Variants in RBFOX1 observed in about 807,000 individuals in gnomAD.
RBFOX1 encodes the protein RNA binding fox-1 homolog 1.
In RBFOX1, 8 loss-of-function variants were observed where a neutral mutation model predicts 57.7. The ratio of observed to expected loss-of-function variants is 0.14; its 90% confidence interval spans 0.08 to 0.25. RBFOX1 has a LOEUF of 0.25. Among genes scored for constraint, RBFOX1 ranks in the 10% least tolerant of loss-of-function variants. RBFOX1 has a pLI of 1.00. For synonymous variants in RBFOX1, 326 were observed against 222.4 expected, an observed-to-expected ratio of 1.47 and a Z score of -4.15; for missense variants, 611 against 548.5, an observed-to-expected ratio of 1.11 and a Z score of -1.14.
intron 2 of RBFOX1, among the ~76,000 whole-genome samples, chr16:6,345,261 A>G (rs809683): frequency 0.65 from 98,555 of 152,116 alleles, 34,173 homozygotes; most frequent in African/African-American, 0.91. Context: ...TTAAACAGTA[A>G]CTTTTATTGA....
At chr16:6,916,973 C>G (rs1225143263) in intron 3 of RBFOX1, among the ~76,000 whole-genome samples, 1 of 152,080 alleles carries the variant, frequency 6.6e-6, no homozygotes, top group Non-Finnish European at 1.5e-5. Context: ...CCTCAGCCTC[C>G]CAAGTAGGTA....
At chr16:5,847,346 C>T (rs187877350) in intron 3 of RBFOX1, among the ~76,000 whole-genome samples, 2 of 147,060 alleles carry the variant, frequency 1.4e-5, no homozygotes, top group South Asian at 2.1e-4. Context: ...GCCTCAGTTT[C>T]CTTATCTGAA....
At chr16:7,485,706 T>C in intron 4 of RBFOX1, among the ~76,000 whole-genome samples, 2 of 152,352 alleles carry the variant, frequency 1.3e-5, no homozygotes, top group Admixed American at 1.3e-4. Context: ...CACATCCATA[T>C]ATAATGTATA....
chr16:6,222,954 G>C (rs1249825605), intron 1 of RBFOX1, among the ~76,000 whole-genome samples: 1 of 151,418 alleles, frequency 6.6e-6, no homozygotes, highest in African/African-American at 2.4e-5. Flanking sequence ...TGCGGTGTTT[G>C]GTTTGTTGTC....
At chr16:7,204,207 C>G (rs1273454183) in intron 4 of RBFOX1, among the ~76,000 whole-genome samples, 1 of 152,184 alleles carries the variant, frequency 6.6e-6, no homozygotes, top group Non-Finnish European at 1.5e-5. Context: ...CTCAATGAAC[C>G]ATCTCATCCT....
chr16:5,424,920 T>TC (rs1436949774), intron 1 of RBFOX1, among the ~76,000 whole-genome samples: 2,778 of 113,154 alleles, frequency 0.025, 154 homozygotes, highest in African/African-American at 0.044. Flanking sequence ...TCTTTCTTTC[T>TC]TTCTTTCTTT....
chr16:6,894,476 AC>A (rs2066275860), intron 3 of RBFOX1, among the ~76,000 whole-genome samples: 1 of 151,438 alleles, frequency 6.6e-6, no homozygotes, highest in African/African-American at 2.4e-5. Flanking sequence ...TTTTGGTTGG[AC>A]TCCTGGGAAT....
chr16:5,877,307 C>G (rs2057638693), intron 4 of RBFOX1, among the ~76,000 whole-genome samples: 1 of 152,220 alleles, frequency 6.6e-6, no homozygotes, highest in Non-Finnish European at 1.5e-5. Context: ...ACCCTGGTAA[C>G]TTAAAATGAA....
intron 3 of RBFOX1, among the ~76,000 whole-genome samples, chr16:6,856,055 T>C (rs2057827622): frequency 5.3e-5 from 8 of 152,066 alleles, no homozygotes; most frequent in Admixed American, 5.2e-4. Flanking sequence ...TATGTCTCTC[T>C]GGGTTAATGG....
intron 4 of RBFOX1, among the ~76,000 whole-genome samples, chr16:5,892,952 A>T (rs1285148241): frequency 6.6e-6 from 1 of 152,176 alleles, no homozygotes; most frequent in Non-Finnish European, 1.5e-5. Flanking sequence ...CCTTCTCCCA[A>T]TGTTCAACGA....
chr16:6,802,637 A>G (rs1252907728), intron 3 of RBFOX1, among the ~76,000 whole-genome samples: 1 of 152,210 alleles, frequency 6.6e-6, no homozygotes, highest in East Asian at 1.9e-4. Context: ...AGATTGTGCT[A>G]CTGTACTCCA....
At chr16:5,450,955 G>A (rs549429186) in intron 1 of RBFOX1, among the ~76,000 whole-genome samples, 2 of 152,186 alleles carry the variant, frequency 1.3e-5, no homozygotes, top group Non-Finnish European at 2.9e-5. Flanking sequence ...GTTCTCATCT[G>A]GAAAATGGGG....
intron 3 of RBFOX1, among the ~76,000 whole-genome samples, chr16:6,985,930 T>G (rs952921472): frequency 6.6e-5 from 10 of 151,182 alleles, no homozygotes; most frequent in African/African-American, 2.2e-4. Context: ...GAATGTGAAT[T>G]GTAAATCTCC....
intron 1 of RBFOX1, among the ~76,000 whole-genome samples, chr16:5,440,238 C>A (rs1372829085): frequency 6.6e-6 from 1 of 152,190 alleles, no homozygotes; most frequent in Non-Finnish European, 1.5e-5. Context: ...ATTCTAGGAT[C>A]TTTGGTTCTT....
At chr16:6,503,318 G>C (rs2095993772) in intron 2 of RBFOX1, among the ~76,000 whole-genome samples, 1 of 152,168 alleles carries the variant, frequency 6.6e-6, no homozygotes, top group Non-Finnish European at 1.5e-5. Flanking sequence ...GACGAGATGG[G>C]ATAAAGGAGA....
intron 2 of RBFOX1, among the ~76,000 whole-genome samples, chr16:6,415,746 C>A (rs759257656): frequency 6.6e-6 from 1 of 152,078 alleles, no homozygotes; most frequent in Non-Finnish European, 1.5e-5. Context: ...AGTCTGTGTG[C>A]AGAGCTCCAA....
At chr16:6,689,440 G>A (rs1177526021) in intron 3 of RBFOX1, among the ~76,000 whole-genome samples, 2 of 152,004 alleles carry the variant, frequency 1.3e-5, no homozygotes, top group African/African-American at 4.8e-5. Flanking sequence ...ATTTTTATAT[G>A]GTAATTTCTT....
chr16:6,528,778 A>G (rs900086147), intron 2 of RBFOX1, among the ~76,000 whole-genome samples: 32 of 152,176 alleles, frequency 2.1e-4, no homozygotes, highest in African/African-American at 7.5e-4. Context: ...GGTTAGCAGC[A>G]CCTTGCTTCA....
intron 3 of RBFOX1, among the ~76,000 whole-genome samples, chr16:5,631,296 C>G (rs1013696581): frequency 6.6e-6 from 1 of 152,134 alleles, no homozygotes; most frequent in Non-Finnish European, 1.5e-5. Flanking sequence ...TGGTGGCTTA[C>G]GCCTGTAATC....
Sources: allele counts gnomAD v4.1 joint callset (sites outside exome capture counted in the v4.1 genomes callset), GRCh38; gene constraint gnomAD v4.1.1; transcripts MANE v1.5; gene names NCBI Gene and HGNC (gene_info 2026-07-23, HGNC 2026-07-21).